GRHL1: variants seen among roughly 807,000 people sequenced by gnomAD.
The protein encoded by GRHL1 is grainyhead-like protein 1 homolog.
In GRHL1, 38 loss-of-function variants were observed where a neutral mutation model predicts 75.7. The ratio of observed to expected loss-of-function variants is 0.50; its 90% CI spans 0.39 to 0.66. The LOEUF (loss-of-function observed/expected upper bound fraction) is 0.66. GRHL1 is among the 30% of genes least tolerant of loss of function. The pLI, the probability that GRHL1 is intolerant of heterozygous loss-of-function variation, is 0.00. For synonymous variants in GRHL1, 266 were observed against 279.4 expected (o/e 0.95, Z 0.48); for missense variants, 589 against 767.5 (o/e 0.77, Z 2.75).
intron 8 of GRHL1, among the ~76,000 whole-genome samples, chr2:9,985,421 A>C (rs1006317688): frequency 2.6e-5 from 4 of 152,240 alleles, no homozygotes; most frequent in African/African-American, 9.6e-5. Context: ...GCATGTAAAG[A>C]ATCCAGTTAT....
chr2:9,958,403 C>T (rs1667128626), intron 2 of GRHL1, among the ~76,000 whole-genome samples: 1 of 152,048 alleles, frequency 6.6e-6, no homozygotes, highest in African/African-American at 2.4e-5. Context: ...TGGTCTTGAA[C>T]TCCTGGGCTC....
intron 9 of GRHL1, among the ~76,000 whole-genome samples, chr2:9,986,748 C>T (rs1370431655): frequency 1.3e-5 from 2 of 152,018 alleles, no homozygotes; most frequent in Non-Finnish European, 2.9e-5. Context: ...ACTCTGTCAT[C>T]CAGGCTGGAA....
At chr2:9,982,182 AC>A (rs2125232174) in intron 8 of GRHL1, among the ~76,000 whole-genome samples, 1 of 152,332 alleles carries the variant, frequency 6.6e-6, no homozygotes, top group South Asian at 2.1e-4. Context: ...AATGTTAAAA[AC>A]TTGCTGGCAT....
At position 9,992,283 on chromosome 2, in the gene GRHL1, G is replaced by A; in HGVS notation, c.1461+137G>A. 1 of 719,506 alleles carries A rather than the reference G, an allele frequency of 1.4e-6. No homozygotes were observed. The highest frequency in any genetic ancestry group is 2.3e-6 in the Non-Finnish European group (1 of 439,396). The allele number at this position is 719,506 out of a possible 1,614,324, so 44.6% of individuals were successfully genotyped here. On this transcript the variant is annotated intron_variant, in intron 11 of 15. Coordinates refer to ENST00000324907, the MANE Select transcript of GRHL1 (RefSeq NM_198182.3). This position sits in a 1 kb window ranked among gnomAD's most constrained non-coding sequence, Gnocchi z 4.6. The stretch of plus-strand genomic sequence containing the variant: ...GTTAGTCAGCTCTTTGGAATATTCT[G>A]CTGGGGTGACATGATGCCCGTGCAA...
chr2:9,961,445 A>G lies in GRHL1; in HGVS notation c.669+9A>G, dbSNP rs1251675696. On this transcript the variant is annotated intron_variant, in intron 4 of 15. Coordinates refer to ENST00000324907, the MANE Select transcript of GRHL1 (RefSeq NM_198182.3). ...AGGAAGGCGTTCAGGAGGTAAGGAA[A>G]CAAAAACATCTTCCTAAGACGCCTG... 6.3e-7 allele frequency: 1 copy of G among 1,592,548 alleles called. No individual in the cohort carries two copies. The highest frequency in any genetic ancestry group is 8.6e-7 in the Non-Finnish European group (1 of 1,165,034).
At chr2:9,985,594 A>C (rs1668384386) in intron 8 of GRHL1, among the ~76,000 whole-genome samples, 1 of 152,264 alleles carries the variant, frequency 6.6e-6, no homozygotes, top group South Asian at 2.1e-4. Flanking sequence ...TTTAGTCTGC[A>C]TGGGCAAAGA....
intron 15 of GRHL1, 97 bp from the exon 16 acceptor site, chr2:10,000,496 C>A: frequency 1.5e-6 from 1 of 676,770 alleles, no homozygotes; most frequent in Non-Finnish European, 2.7e-6. Context: ...GCCTCACATG[C>A]TGCAACTAGT....
Position 9,961,103 on chromosome 2 carries a change from G to C in GRHL1, c.336G>C (p.Val112=). The change falls in exon 4 of 16, where the codon GTG becomes GTC. Residue 112 remains valine, a synonymous_variant. Coordinates refer to ENST00000324907, the MANE Select transcript of GRHL1 (RefSeq NM_198182.3). ...QPLISAGENR[V]QVLKNVPFNI... ...TCATCTCTGCTGGAGAAAACAGAGT[G>C]CAAGTACTGAAAAATGTGCCATTTA... The C allele has an allele frequency of 6.4e-7, 1 of 1,572,466 alleles. No homozygotes were observed. The highest frequency in any genetic ancestry group is 8.6e-7 in the Non-Finnish European group (1 of 1,158,108).
In GRHL1 at chr2:9,992,003, TCA is replaced by T. The variant is rs1572386119; in HGVS notation, c.1322-3_1322-2del. ...TCCTCTTTTTTAATTTTTTTTTTTT[TCA>T]GTTTCTGATGTTAAAGTGCCACTGC... On this transcript the variant is annotated splice_acceptor_variant and splice_polypyrimidine_tract_variant and intron_variant, in intron 10 of 15. Transcript: ENST00000324907. LOFTEE classifies it high-confidence loss of function. This position sits in a 1 kb window ranked among gnomAD's most constrained non-coding sequence, Gnocchi z 4.6. 1.1e-5 allele frequency: 17 copies of T among 1,556,938 alleles called. No homozygotes were observed. The highest frequency in any genetic ancestry group is 9.5e-5 in the South Asian group (8 of 83,794).
chr2:10,000,919 A>G lies in GRHL1; in HGVS notation c.*212A>G, dbSNP rs569054461. 4.8e-6 allele frequency: 2 copies of G among 415,502 alleles called. No individual in the cohort carries two copies. The highest frequency in any genetic ancestry group is 8.5e-6 in the Non-Finnish European group (2 of 234,482). 25.7% of individuals were successfully genotyped at this position (415,502 alleles called of 1,614,324 possible). On this transcript the variant is annotated 3_prime_UTR_variant, in exon 16 of 16. Coordinates refer to ENST00000324907, the MANE Select transcript of GRHL1 (RefSeq NM_198182.3). ...TGTTTTTCAGATGAAAGAGAAATCCATATACCATTATGTTTGAATTTCCTG... is the reference window on the plus strand; with the variant it reads ...TGTTTTTCAGATGAAAGAGAAATCCGTATACCATTATGTTTGAATTTCCTG...
intron 8 of GRHL1, among the ~76,000 whole-genome samples, chr2:9,978,083 C>T (rs186263346): frequency 5.9e-5 from 9 of 152,296 alleles, no homozygotes; most frequent in Middle Eastern, 3.4e-3. Flanking sequence ...TGGGGGAAAT[C>T]GCCCCCATGA....
At chr2:9,957,270 C>T (rs531873505) in intron 2 of GRHL1, among the ~76,000 whole-genome samples, 6 of 152,128 alleles carry the variant, frequency 3.9e-5, no homozygotes, top group Admixed American at 2.0e-4. Flanking sequence ...GGATTACGGA[C>T]GTGAGCCACT....
At position 10,002,100 on chromosome 2, in the gene GRHL1, T is replaced by A. The variant is rs1045402190; in HGVS notation, c.*1393T>A. 1 of 152,670 alleles carries A rather than the reference T, an allele frequency of 6.6e-6. No individual in the cohort carries two copies. Among genetic ancestry groups the A allele is most frequent in the African/African-American group, 2.4e-5 (1 of 41,460 alleles). The allele number at this position is 152,670 out of a possible 1,614,324, so 9.5% of individuals were successfully genotyped here. A position where few individuals can be genotyped will look rare whatever the true frequency, so the allele number is the denominator to read the frequency against. ...TGGTAGTTACAGTCTTAGGTTAAAG[T>A]ATTCTAATGAAGTATGGGAACTAAA... is the stretch of plus-strand genomic sequence containing the variant. On this transcript the variant is annotated 3_prime_UTR_variant, in exon 16 of 16. Transcript: ENST00000324907.
intron 8 of GRHL1, among the ~76,000 whole-genome samples, chr2:9,985,623 G>A (rs1037673153): frequency 2.0e-5 from 3 of 152,198 alleles, no homozygotes; most frequent in African/African-American, 7.2e-5. Context: ...GAACTTTATT[G>A]GAATCTTATA....
chr2:9,991,956 A>G, intron 10 of GRHL1, 51 bp from the exon 11 acceptor site: 1 of 1,446,228 alleles, frequency 6.9e-7, no homozygotes. Context: ...TCCAGTCTGT[A>G]TGTAATCCTT....
chr2:9,977,868 C>T (rs575418061), intron 8 of GRHL1, among the ~76,000 whole-genome samples: 8 of 152,154 alleles, frequency 5.3e-5, no homozygotes, highest in Non-Finnish European at 1.2e-4. Context: ...TAAAGACATA[C>T]CCGAGACTGG....
chr2:9,951,821 G>A lies in GRHL1; in HGVS notation c.-13G>A. 6.5e-7 allele frequency: 1 copy of A among 1,527,770 alleles called. No individual in the cohort carries two copies. Among genetic ancestry groups the A allele is most frequent in the Non-Finnish European group, 8.8e-7 (1 of 1,136,398 alleles). 94.6% of individuals were successfully genotyped at this position (1,527,770 alleles called of 1,614,324 possible). A position where few individuals can be genotyped will look rare whatever the true frequency, so the allele number is the denominator to read the frequency against. Reference sequence around the variant, plus strand: ...AGTCCAGTTCTGCGGCCCGGCAGCGGCGAGCGGGCGCGATGACACAGGAGT... The same window carrying A: ...AGTCCAGTTCTGCGGCCCGGCAGCGACGAGCGGGCGCGATGACACAGGAGT... On this transcript the variant is annotated 5_prime_UTR_variant, in exon 1 of 16. Coordinates refer to ENST00000324907, the MANE Select transcript of GRHL1 (RefSeq NM_198182.3). The surrounding 1 kb of genome is among the most constrained non-coding windows in gnomAD (Gnocchi z 4.2).
rs140477136 is a variant in GRHL1 at position 9,957,762 on chromosome 2, C to T, written c.208-1024C>T. On this transcript the variant is annotated intron_variant, in intron 2 of 15. Coordinates refer to ENST00000324907, the MANE Select transcript of GRHL1 (RefSeq NM_198182.3). ...CAAGGATGCAGGAATAGAATTTTCA[C>T]GCTGAAAGCCATTTTTAAGCACCTT... Among the ~76,000 whole-genome samples, 929 of 152,300 alleles carry T rather than the reference C, an allele frequency of 6.1e-3. 9 individuals are homozygous for T. The highest frequency in any genetic ancestry group is 0.058 in the Middle Eastern group (17 of 294).
At chr2:9,959,815 C>T (rs1368452519) in intron 3 of GRHL1, 1 of 152,156 alleles carries the variant, frequency 6.6e-6, no homozygotes, top group Non-Finnish European at 1.5e-5. Flanking sequence ...CTGTAAATAT[C>T]CTTACAATTG....
Sources: gnomAD v4.1 joint callset for allele counts (sites outside exome capture counted in the v4.1 genomes callset) on GRCh38, gnomAD v4.1.1 for gene constraint, Gnocchi (gnomAD v3.1) non-coding constraint, MANE v1.5 for transcripts, NCBI Gene and HGNC (gene_info 2026-07-23, HGNC 2026-07-21) for gene names.